ATRNL1: variants seen among roughly 807,000 people sequenced by gnomAD.
The protein encoded by ATRNL1 is attractin-like protein 1.
In ATRNL1, 95 loss-of-function variants were observed where a neutral mutation model predicts 182.7. The ratio of observed to expected loss-of-function variants is 0.52; its 90% CI spans 0.44 to 0.62. The LOEUF is 0.62. Among genes scored for constraint, ATRNL1 ranks in the 20% least tolerant of loss-of-function variants. The probability of loss-of-function intolerance (pLI) is 0.00; values close to 1 mark genes in which losing one functional copy is unlikely to be tolerated. For missense variants in ATRNL1, 1,471 were observed against 1,679.5 expected (o/e 0.88, Z 2.17); for synonymous variants, 576 against 568.3 (o/e 1.01, Z -0.19).
chr10:115,119,711 T>C (rs533273534), intron 1 of ATRNL1, among the ~76,000 whole-genome samples: 1 of 152,104 alleles, frequency 6.6e-6, no homozygotes, highest in Non-Finnish European at 1.5e-5. Flanking sequence ...CAGAACTCTT[T>C]CAAGTTTGGT....
rs533948788 is a variant in ATRNL1 at position 115,403,312 on chromosome 10, A to G, written c.3269+8560A>G. On this transcript the variant is annotated intron_variant, in intron 20 of 28. Transcript: ENST00000355044. The stretch of plus-strand genomic sequence containing the variant: ...ATGGGGAAAAGTACATCTTTTCTCT[A>G]TGTGACTTAATCTACATTGTTATAA... Among the ~76,000 whole-genome samples the G allele has an allele frequency of 7.8e-5, 9 of 114,850 alleles. No individual in the cohort carries two copies. In the South Asian group the frequency reaches 1.0e-3, roughly 13 times the overall value. The allele number at this position is 114,850 out of a possible 152,430, so 75.3% of individuals were successfully genotyped here.
rs149557270 is a variant in ATRNL1 at position 115,892,042 on chromosome 10, C to A, written c.4018+44051C>A. On this transcript the variant is annotated intron_variant, in intron 28 of 28. Coordinates refer to ENST00000355044, the MANE Select transcript of ATRNL1 (RefSeq NM_207303.4). ...ATCAAGATACATATTAAGGTGAATA[C>A]GGACAAGATTCTACTGAGTCTGCTG... is the stretch of plus-strand genomic sequence containing the variant. 4.3e-3 allele frequency among the ~76,000 whole-genome samples: 655 copies of A among 152,222 alleles called. 5 individuals are homozygous for A. The highest frequency in any genetic ancestry group is 0.014 in the African/African-American group (566 of 41,524).
At chr10:115,699,804 A>G (rs1255950761) in intron 26 of ATRNL1, among the ~76,000 whole-genome samples, 1 of 152,170 alleles carries the variant, frequency 6.6e-6, no homozygotes, top group African/African-American at 2.4e-5. Context: ...TAGTGAGCAT[A>G]GTACCCCATA....
At chr10:115,198,746 C>G (rs1554891637) in intron 8 of ATRNL1, among the ~76,000 whole-genome samples, 1 of 152,076 alleles carries the variant, frequency 6.6e-6, no homozygotes, top group Non-Finnish European at 1.5e-5. Flanking sequence ...TTCCTAGAAT[C>G]ATTAATTGAA....
chr10:115,231,600 C>A (rs1849956187), intron 9 of ATRNL1, among the ~76,000 whole-genome samples: 3 of 151,434 alleles, frequency 2.0e-5, no homozygotes, highest in Admixed American at 6.6e-5. Flanking sequence ...GAAATGATGC[C>A]AAAAATAAAG....
intron 5 of ATRNL1, 22 bp from the exon 6 acceptor site, chr10:115,160,018 T>C (rs782567530): frequency 2.6e-6 from 4 of 1,546,936 alleles, no homozygotes; most frequent in Non-Finnish European, 3.5e-6. Flanking sequence ...TCTAGTGTGT[T>C]GTTTCATTTT....
intron 13 of ATRNL1, among the ~76,000 whole-genome samples, chr10:115,279,237 T>C (rs1315824671): frequency 6.6e-6 from 1 of 151,572 alleles, no homozygotes; most frequent in Non-Finnish European, 1.5e-5. Flanking sequence ...ATAAAGACTC[T>C]TGAGAAGATA....
chr10:115,727,320 G>A lies in ATRNL1; in HGVS notation c.3868G>A (p.Ala1290Thr). The change falls in exon 27 of 29, where the codon GCT becomes ACT. Residue 1290 changes from alanine to threonine, a missense_variant. Ala to Thr is a moderately conservative substitution (Grantham distance 58). Coordinates refer to ENST00000355044, the MANE Select transcript of ATRNL1 (RefSeq NM_207303.4). ...ASVDVALEVG[A>T]EQTEFLRGPL... ...TGTTGATGTAGCTCTGGAAGTGGGA[G>A]CTGAACAAACAGAGTTTCTGCGAGG... 6 of 1,614,124 alleles carry A rather than the reference G, an allele frequency of 3.7e-6. No homozygotes were observed. Among genetic ancestry groups the A allele is most frequent in the Non-Finnish European group, 3.4e-6 (4 of 1,179,974 alleles).
intron 5 of ATRNL1, among the ~76,000 whole-genome samples, chr10:115,130,184 C>T (rs1167623171): frequency 1.3e-5 from 2 of 152,028 alleles, no homozygotes; most frequent in African/African-American, 2.4e-5. Context: ...TATGCTTATA[C>T]ATATACCTAC....
intron 17 of ATRNL1, among the ~76,000 whole-genome samples, chr10:115,314,223 G>A (rs1390804827): frequency 9.9e-5 from 15 of 152,080 alleles, no homozygotes; most frequent in African/African-American, 2.2e-4. Context: ...GAGGTGATAC[G>A]TACTCTCTAC....
chr10:115,750,635 A>C (rs1948422441), intron 27 of ATRNL1, among the ~76,000 whole-genome samples: 1 of 152,016 alleles, frequency 6.6e-6, no homozygotes, highest in Non-Finnish European at 1.5e-5. Flanking sequence ...TTAGAAAAAA[A>C]AACTTTTTAT....
chr10:115,863,639 T>C (rs781918219), intron 28 of ATRNL1, among the ~76,000 whole-genome samples: 1 of 152,200 alleles, frequency 6.6e-6, no homozygotes, highest in Non-Finnish European at 1.5e-5. Context: ...CATAGAAATA[T>C]AGATGTATGC....
chr10:115,879,751 T>C (rs1951784784), intron 28 of ATRNL1, among the ~76,000 whole-genome samples: 1 of 152,160 alleles, frequency 6.6e-6, no homozygotes, highest in South Asian at 2.1e-4. Flanking sequence ...ATACTAGAGA[T>C]TCTGGTCCAA....
At chr10:115,249,318 C>G (rs1473015948) in intron 10 of ATRNL1, among the ~76,000 whole-genome samples, 10 of 151,686 alleles carry the variant, frequency 6.6e-5, no homozygotes, top group Non-Finnish European at 1.5e-4. Flanking sequence ...AGTGTCTTTA[C>G]AGTAATACAG....
At chr10:115,765,334 T>G (rs2907592) in intron 27 of ATRNL1, among the ~76,000 whole-genome samples, 144,629 of 152,196 alleles carry the variant, frequency 0.95, 69,132 homozygotes, top group East Asian at 1. Flanking sequence ...GGATTTGGTG[T>G]TGTCAGTGTT....
chr10:115,349,066 C>A (rs574811516), intron 19 of ATRNL1, among the ~76,000 whole-genome samples: 2 of 152,256 alleles, frequency 1.3e-5, no homozygotes, highest in African/African-American at 4.8e-5. Flanking sequence ...TTCTTTCTTT[C>A]TAACTGTATT....
At chr10:115,166,758 G>A (rs1196033984) in intron 7 of ATRNL1, among the ~76,000 whole-genome samples, 1 of 151,852 alleles carries the variant, frequency 6.6e-6, no homozygotes, top group East Asian at 1.9e-4. Context: ...GTTTTGTTTG[G>A]TTGTTGAGTT....
At chr10:115,304,524 G>A (rs142799824) in intron 17 of ATRNL1, among the ~76,000 whole-genome samples, 2 of 152,132 alleles carry the variant, frequency 1.3e-5, no homozygotes, top group African/African-American at 4.8e-5. Context: ...CAGAAGGTTC[G>A]CTCTTACAGA....
chr10:115,476,201 A>G (rs1848522921), intron 24 of ATRNL1, among the ~76,000 whole-genome samples: 1 of 151,228 alleles, frequency 6.6e-6, no homozygotes, highest in African/African-American at 2.4e-5. Context: ...AATGTTATTT[A>G]ATTCATTTCA....
Sources: allele counts gnomAD v4.1 joint callset (sites outside exome capture counted in the v4.1 genomes callset), GRCh38; gene constraint gnomAD v4.1.1; transcripts MANE v1.5; gene names NCBI Gene and HGNC (gene_info 2026-07-23, HGNC 2026-07-21).